Variants in PRH1 observed in about 807,000 individuals in gnomAD.
PRH1 encodes salivary acidic proline-rich phosphoprotein 1/2.
PRH1 carries 7 observed loss-of-function variants against 7.9 expected under a neutral mutation model. That is an observed-to-expected ratio of 0.89 (90% CI 0.50 to 1.67). PRH1 has a LOEUF of 1.67. PRH1 is among the 40% of genes most tolerant of loss of function. The pLI is 0.00. For missense variants in PRH1, 109 were observed against 223.6 expected (o/e 0.49, Z 3.27); for synonymous variants, 45 against 80.8 (o/e 0.56, Z 2.38).
chr12:11,113,108 T>G (rs1036279306), intron 1 of PRH1, among the ~76,000 whole-genome samples: 1 of 152,110 alleles, frequency 6.6e-6, no homozygotes, highest in South Asian at 2.1e-4. Flanking sequence ...GAAAGATCTC[T>G]TCAAGGAGAA....
intron 1 of PRH1, among the ~76,000 whole-genome samples, chr12:11,151,180 A>C (rs1171549776): frequency 6.6e-6 from 1 of 152,036 alleles, no homozygotes; most frequent in Non-Finnish European, 1.5e-5. Context: ...GCAGCAGCTG[A>C]AGTGTGAGAA....
chr12:10,964,557 G>T (rs895301512), intron 2 of PRH1: 2 of 317,384 alleles, frequency 6.3e-6, no homozygotes, highest in Non-Finnish European at 1.2e-5. Flanking sequence ...GCAGTAGTTT[G>T]GCTGAGCATG....
At chr12:11,047,839 C>A (rs1327942103), upstream of PRH1, among the ~76,000 whole-genome samples, 3 of 152,162 alleles carry the variant, frequency 2.0e-5, no homozygotes, top group South Asian at 6.2e-4. Flanking sequence ...ATAAAACCTA[C>A]CCCAAAGATC....
At chr12:10,945,811 G>C (rs891864420) in intron 2 of PRH1, among the ~76,000 whole-genome samples, 1 of 152,108 alleles carries the variant, frequency 6.6e-6, no homozygotes, top group Non-Finnish European at 1.5e-5. Flanking sequence ...TCCCCAAAGC[G>C]GCCATTTCAG....
chr12:11,119,241 G>C (rs1484308758), downstream of PRH1, among the ~76,000 whole-genome samples: 3 of 151,938 alleles, frequency 2.0e-5, no homozygotes, highest in Non-Finnish European at 4.4e-5. Context: ...TGGACATAGA[G>C]AGTACATAGA....
chr12:11,105,566 T>C (rs1945385196), intron 1 of PRH1, among the ~76,000 whole-genome samples: 1 of 152,202 alleles, frequency 6.6e-6, no homozygotes, highest in South Asian at 2.1e-4. Flanking sequence ...TGCTGTAAGA[T>C]AAAATTTTCC....
At chr12:11,155,615 T>A (rs1947227013) in intron 1 of PRH1, among the ~76,000 whole-genome samples, 1 of 152,166 alleles carries the variant, frequency 6.6e-6, no homozygotes, top group African/African-American at 2.4e-5. Context: ...TATTTTCTTC[T>A]TGTTTATGAC....
At chr12:11,054,642 T>TA (rs1943281810) in intron 1 of PRH1, among the ~76,000 whole-genome samples, 1 of 33,014 alleles carries the variant, frequency 3.0e-5, no homozygotes, top group African/African-American at 5.9e-5. Flanking sequence ...GATAAATTTA[T>TA]AAAAATTGTC....
At chr12:10,940,656 T>C (rs998523351) in intron 2 of PRH1, among the ~76,000 whole-genome samples, 2 of 152,268 alleles carry the variant, frequency 1.3e-5, no homozygotes, top group South Asian at 4.1e-4. Flanking sequence ...CCAATGTAGA[T>C]AAAGGATGAC....
At chr12:10,986,727 T>TC (rs1939654705) in intron 1 of PRH1, 17 of 1,613,024 alleles carry the variant, frequency 1.1e-5, no homozygotes, top group Non-Finnish European at 1.4e-5. Flanking sequence ...GAGAATTTGG[T>TC]CAGCTGAGGA....
intron 1 of PRH1, among the ~76,000 whole-genome samples, chr12:11,101,862 C>G (rs752497690): frequency 2.0e-5 from 3 of 152,096 alleles, no homozygotes; most frequent in Non-Finnish European, 4.4e-5. Context: ...GATACAAAAT[C>G]AATGTGCAAA....
rs1431893726 is a variant in PRH1, at chr12:11,028,463, G to C, written c.-126+18557C>G. Among the ~76,000 whole-genome samples, 12 of 151,740 alleles carry C rather than the reference G, an allele frequency of 7.9e-5. No homozygotes were observed. The East Asian group carries it at 1.6e-3, about 20-fold the overall frequency. ...CATCACCACACATTGTTTCACATTT[G>C]TTCCGGTCTCAATTTCCACACGTCC... On this transcript the variant is annotated intron_variant, in intron 1 of 3. Transcript: ENST00000539853.
chr12:11,142,855 T>C (rs1946741595), intron 1 of PRH1, among the ~76,000 whole-genome samples: 1 of 152,030 alleles, frequency 6.6e-6, no homozygotes, highest in South Asian at 2.1e-4. Context: ...CTGGAGAAAA[T>C]ATTCTTCAAA....
intron 2 of PRH1, among the ~76,000 whole-genome samples, chr12:10,897,190 T>G (rs944655867): frequency 2.0e-5 from 3 of 152,208 alleles, no homozygotes. Context: ...ACACGTGGCT[T>G]TTTAAATTCA....
intron 1 of PRH1, among the ~76,000 whole-genome samples, chr12:11,045,972 T>C (rs1407413043): frequency 1.3e-5 from 2 of 152,184 alleles, no homozygotes; most frequent in East Asian, 1.9e-4. Flanking sequence ...GGGGGTTTTG[T>C]AGACCAATTC....
At chr12:10,897,746 T>C (rs1026975510) in intron 2 of PRH1, among the ~76,000 whole-genome samples, 5 of 151,990 alleles carry the variant, frequency 3.3e-5, no homozygotes, top group Non-Finnish European at 7.4e-5. Context: ...AACAACCAAA[T>C]CTTGTGATAA....
intron 1 of PRH1, among the ~76,000 whole-genome samples, chr12:11,095,714 G>GATGGTGGGAGT (rs1945056122): frequency 8.8e-6 from 1 of 113,512 alleles, no homozygotes; most frequent in Admixed American, 8.9e-5. Flanking sequence ...GAGGTGGGAG[G>GATGGTGGGAGT]ATGGTTTGAG....
intron 1 of PRH1, among the ~76,000 whole-genome samples, chr12:11,056,636 G>A (rs1451291153): frequency 6.6e-6 from 1 of 152,088 alleles, no homozygotes; most frequent in Non-Finnish European, 1.5e-5. Flanking sequence ...TGGCCAACAT[G>A]GTGAAACTCT....
intron 2 of PRH1, among the ~76,000 whole-genome samples, chr12:10,968,986 T>C (rs1343671946): frequency 6.6e-6 from 1 of 152,202 alleles, no homozygotes; most frequent in Non-Finnish European, 1.5e-5. Context: ...GTAACAACTT[T>C]TCGTATCTGC....
Sources: gnomAD v4.1 joint callset for allele counts (sites outside exome capture counted in the v4.1 genomes callset) on GRCh38, gnomAD v4.1.1 for gene constraint, MANE v1.5 for transcripts, NCBI Gene and HGNC (gene_info 2026-07-23, HGNC 2026-07-21) for gene names.